BLTP1: variants seen among roughly 807,000 people sequenced by gnomAD.
BLTP1 encodes bridge-like lipid transfer protein family member 1, also known as fragile site-associated protein.
the BLTP1 span, among the ~76,000 whole-genome samples, chr4:122,322,967 G>A: frequency 1.3e-5 from 2 of 152,076 alleles, no homozygotes; most frequent in Admixed American, 6.6e-5. Context: ...CTCCTGAGGG[G>A]ATTTTTTTCC....
At chr4:122,289,080 C>A in the BLTP1 span, 1 of 1,605,064 alleles carries the variant, frequency 6.2e-7, no homozygotes, top group Non-Finnish European at 8.5e-7. Context: ...ATGATTTTGT[C>A]TGGCAGGTTG....
chr4:122,204,469 G>GA, the BLTP1 span: 1 of 900,632 alleles, frequency 1.1e-6, no homozygotes, highest in Non-Finnish European at 1.3e-6. Flanking sequence ...TGAGGAACTT[G>GA]AGGCATAGAA....
the BLTP1 span, chr4:122,309,482 C>A: frequency 1.2e-6 from 2 of 1,606,506 alleles, no homozygotes; most frequent in East Asian, 2.2e-5. Context: ...TCTTTTATTT[C>A]TATATACAGT....
the BLTP1 span, among the ~76,000 whole-genome samples, chr4:122,182,452 C>T: frequency 3.9e-5 from 6 of 152,276 alleles, no homozygotes; most frequent in Admixed American, 2.0e-4. Flanking sequence ...AAATTTACCA[C>T]CACCAAATTG....
chr4:122,230,187 A>G, the BLTP1 span: 1 of 1,613,968 alleles, frequency 6.2e-7, no homozygotes, highest in South Asian at 1.1e-5. Context: ...CATTTCTTAG[A>G]AACTCATGAT....
chr4:122,347,336 A>G, the BLTP1 span: 11 of 861,176 alleles, frequency 1.3e-5, no homozygotes, highest in Non-Finnish European at 1.5e-5. Context: ...TGCTCTTTTC[A>G]TGGAGTTTAA....
the BLTP1 span, chr4:122,199,747 C>T: frequency 3.0e-5 from 7 of 230,060 alleles, no homozygotes; most frequent in African/African-American, 4.7e-5. Flanking sequence ...TGGATTAAAT[C>T]TCTTCTAAGT....
the BLTP1 span, among the ~76,000 whole-genome samples, chr4:122,201,581 G>A: frequency 2.0e-5 from 3 of 152,190 alleles, no homozygotes; most frequent in Non-Finnish European, 4.4e-5. Context: ...AGTTGGTGCT[G>A]TCACTAGTTG....
At chr4:122,229,803 T>C in the BLTP1 span, 2 of 1,357,206 alleles carry the variant, frequency 1.5e-6, no homozygotes, top group Non-Finnish European at 9.5e-7. Context: ...TTATTTCTTT[T>C]TCCTTTATTT....
the BLTP1 span, chr4:122,249,844 T>C: frequency 2.1e-6 from 2 of 972,142 alleles, no homozygotes; most frequent in African/African-American, 3.5e-5. Context: ...CTCATACCAA[T>C]TGCTTAAGTG....
chr4:122,307,844 AT>A, the BLTP1 span: 1 of 1,513,516 alleles, frequency 6.6e-7, no homozygotes, highest in South Asian at 1.4e-5. Flanking sequence ...TCTGGGTGTA[AT>A]TTTTATTAAG....
chr4:122,257,256 G>A, the BLTP1 span: 5 of 1,613,012 alleles, frequency 3.1e-6, no homozygotes, highest in Non-Finnish European at 4.2e-6. Context: ...TTGTTACAGA[G>A]CGATGGACTT....
chr4:122,341,688 T>C, the BLTP1 span: 1 of 984,404 alleles, frequency 1.0e-6, no homozygotes, highest in Admixed American at 6.2e-5. Flanking sequence ...GTTGCGACAA[T>C]ATCCATTCTT....
At chr4:122,298,819 A>G in the BLTP1 span, 1 of 962,586 alleles carries the variant, frequency 1.0e-6, no homozygotes, top group Non-Finnish European at 1.2e-6. Flanking sequence ...CAAGAGAGGG[A>G]CAGTTTGATG....
chr4:122,353,639 A>G, the BLTP1 span: 4 of 369,662 alleles, frequency 1.1e-5, no homozygotes, highest in African/African-American at 2.2e-5. This position sits in a 1 kb window ranked among gnomAD's most constrained non-coding sequence, Gnocchi z 4.3. Context: ...GACAAATCCA[A>G]TTACCACTAA....
At chr4:122,354,940 C>T in the BLTP1 span, among the ~76,000 whole-genome samples, 1 of 152,094 alleles carries the variant, frequency 6.6e-6, no homozygotes, top group Non-Finnish European at 1.5e-5. Context: ...GCTGGGATTA[C>T]AGGCATGAGC....
the BLTP1 span, chr4:122,279,799 C>T: frequency 1.2e-6 from 2 of 1,613,740 alleles, no homozygotes; most frequent in Non-Finnish European, 1.7e-6. Context: ...GTAGTATTGC[C>T]AAGTCCCAAG....
the BLTP1 span, chr4:122,170,738 C>A: frequency 6.3e-7 from 1 of 1,586,652 alleles, no homozygotes; most frequent in South Asian, 1.2e-5. Context: ...TGTTTGGCTC[C>A]TTGTTGGTAA....
chr4:122,272,117 A>T, the BLTP1 span: 4 of 1,575,518 alleles, frequency 2.5e-6, no homozygotes, highest in Non-Finnish European at 3.4e-6. Context: ...TCCATTTTTC[A>T]GTCTTCGTAT....
Sources: allele counts gnomAD v4.1 joint callset (sites outside exome capture counted in the v4.1 genomes callset), GRCh38; gene constraint gnomAD v4.1.1; non-coding constraint Gnocchi (gnomAD v3.1); transcripts MANE v1.5; gene names NCBI Gene and HGNC (gene_info 2026-07-23, HGNC 2026-07-21).